Variants in CACNA2D4 observed in about 807,000 individuals in gnomAD.
CACNA2D4 encodes voltage-dependent calcium channel subunit alpha-2/delta-4.
Under a neutral mutation model 163.8 loss-of-function variants are expected in CACNA2D4, and 157 were observed. The ratio of observed to expected loss-of-function variants is 0.96; its 90% confidence interval spans 0.84 to 1.09. CACNA2D4 has a LOEUF of 1.09. Ranked by LOEUF, CACNA2D4 falls within the 50% of genes least tolerant of loss-of-function variation. CACNA2D4 has a pLI of 0.00. For synonymous variants in CACNA2D4, 598 were observed against 586.9 expected (o/e 1.02, Z -0.27); for missense variants, 1,410 against 1,479.9 (o/e 0.95, Z 0.78).
chr12:1,824,198 T>C (rs1864224148), intron 26 of CACNA2D4, among the ~76,000 whole-genome samples: 1 of 152,156 alleles, frequency 6.6e-6, no homozygotes, highest in African/African-American at 2.4e-5. Context: ...TCGGTGGCCG[T>C]TTGCCCTGCT....
intron 18 of CACNA2D4, among the ~76,000 whole-genome samples, chr12:1,860,464 T>C (rs1335387991): frequency 6.6e-6 from 1 of 152,252 alleles, no homozygotes; most frequent in Admixed American, 6.5e-5. Context: ...CCCATCACGA[T>C]AGCCCCTAAG....
chr12:1,830,915 C>T (rs928128494), intron 26 of CACNA2D4: 61 of 1,573,958 alleles, frequency 3.9e-5, no homozygotes, highest in Middle Eastern at 1.7e-4. Context: ...TTCTTTCCCC[C>T]GTCTGTCCCT....
At chr12:1,882,718 T>C (rs1866033328) in intron 13 of CACNA2D4, 149 bp downstream of exon 13, 1 of 772,720 alleles carries the variant, frequency 1.3e-6, no homozygotes, top group Admixed American at 2.7e-5. Context: ...AGGAAAAGCA[T>C]GGAAAAGCGG....
In CACNA2D4 at chr12:1,883,723, G is replaced by A. The variant is rs34211451; in HGVS notation, c.1351+520C>T. 0.06 allele frequency among the ~76,000 whole-genome samples: 9,098 copies of A among 152,188 alleles called. 369 individuals are homozygous for A. Among genetic ancestry groups the A allele is most frequent in the Middle Eastern group, 0.1 (30 of 294 alleles). On this transcript the variant is annotated intron_variant, in intron 12 of 37. Transcript: ENST00000382722. This position sits in a 1 kb window ranked among gnomAD's most constrained non-coding sequence, Gnocchi z 4.5. ...TGGCCCCCGGCACCCTGAACAGTCT[G>A]TGTCTCTCCACCATCAAAGCACATT...
chr12:1,814,744 G>A (rs1863821566), intron 26 of CACNA2D4, among the ~76,000 whole-genome samples: 1 of 152,156 alleles, frequency 6.6e-6, no homozygotes, highest in South Asian at 2.1e-4. Context: ...CTCTCACTTG[G>A]ATTAATGCAA....
intron 18 of CACNA2D4, among the ~76,000 whole-genome samples, chr12:1,861,344 G>T (rs984713323): frequency 6.6e-6 from 1 of 152,176 alleles, no homozygotes; most frequent in Non-Finnish European, 1.5e-5. Flanking sequence ...TGCAGCGGTC[G>T]TGGGATGTCC....
At chr12:1,818,027 C>G (rs1271657758) in intron 26 of CACNA2D4, among the ~76,000 whole-genome samples, 1 of 151,342 alleles carries the variant, frequency 6.6e-6, no homozygotes, top group Admixed American at 6.6e-5. Flanking sequence ...GCCATCCCAT[C>G]TAGGAAGTGA....
At chr12:1,821,371 A>G (rs1592674554) in intron 26 of CACNA2D4, among the ~76,000 whole-genome samples, 1 of 152,176 alleles carries the variant, frequency 6.6e-6, no homozygotes, top group African/African-American at 2.4e-5. Context: ...GTCCTTGGAC[A>G]AGGGTGTGGA....
chr12:1,809,714 C>T (rs1592660580), intron 29 of CACNA2D4: 1 of 612,506 alleles, frequency 1.6e-6, no homozygotes, highest in Non-Finnish European at 2.9e-6. Context: ...TTAGGATGTG[C>T]AAGCCAGGCA....
chr12:1,831,745 C>G (rs564516475), intron 26 of CACNA2D4, among the ~76,000 whole-genome samples: 56 of 149,362 alleles, frequency 3.7e-4, no homozygotes, highest in African/African-American at 1.0e-3. Context: ...GCTGCTCCCT[C>G]CACCCCCACC....
At chr12:1,824,129 G>C (rs1287015176) in intron 26 of CACNA2D4, among the ~76,000 whole-genome samples, 1 of 152,148 alleles carries the variant, frequency 6.6e-6, no homozygotes, top group East Asian at 1.9e-4. Flanking sequence ...TTTCTCCCCA[G>C]GTCCCAGTTA....
intron 18 of CACNA2D4, among the ~76,000 whole-genome samples, chr12:1,870,288 A>G (rs1865742611): frequency 1.3e-5 from 2 of 152,184 alleles, no homozygotes; most frequent in African/African-American, 4.8e-5. Flanking sequence ...GGGCACCTCG[A>G]GGCTTCCCTG....
rs917125080 is a variant in CACNA2D4 at position 1,843,395 on chromosome 12, G to T, written c.2470+1007C>A. ...TTTGGCAGAAGGGCGTCCTAAAGGG[G>T]AAGTTCTGAGTGACCCCAGCCCTGA... is the stretch of plus-strand genomic sequence containing the variant. On this transcript the variant is annotated intron_variant, in intron 25 of 37. Transcript: ENST00000382722. The surrounding 1 kb of genome is among the most constrained non-coding windows in gnomAD (Gnocchi z 4.6). Among the ~76,000 whole-genome samples, 27 of 152,212 alleles carry T rather than the reference G, an allele frequency of 1.8e-4. No homozygotes were observed. Among genetic ancestry groups the T allele is most frequent in the Non-Finnish European group, 3.5e-4 (24 of 68,040 alleles).
At chr12:1,885,136 T>C (rs1445578514) in intron 9 of CACNA2D4, 60 bp from the exon 10 acceptor site, 4 of 1,408,632 alleles carry the variant, frequency 2.8e-6, no homozygotes, top group Admixed American at 3.3e-5. Flanking sequence ...TGGAGCTTCA[T>C]GTTTGGTGTT....
At position 1,828,258 on chromosome 12, in the gene CACNA2D4, G is replaced by A. The variant is rs1325956968; in HGVS notation, c.2551+12481C>T. 1.7e-5 allele frequency: 26 copies of A among 1,493,994 alleles called. No homozygotes were observed. The highest frequency in any genetic ancestry group is 2.3e-5 in the Non-Finnish European group (26 of 1,110,128). The allele number at this position is 1,493,994 out of a possible 1,614,324, so 92.5% of individuals were successfully genotyped here. ...CTCGGAGGGGGGTGCGGGTTGGGTG[G>A]GGGTGCCGAGGTGACTGTAGGTAGC... is the stretch of plus-strand genomic sequence containing the variant. On this transcript the variant is annotated intron_variant, in intron 26 of 37. Transcript: ENST00000382722. The surrounding 1 kb of genome is among the most constrained non-coding windows in gnomAD (Gnocchi z 4.2).
At position 1,840,776 on chromosome 12, in the gene CACNA2D4, C is replaced by T. The variant is rs777855259; in HGVS notation, c.2514G>A (p.Val838=). The change falls in exon 26 of 38, where the codon GTG becomes GTA. Residue 838 remains valine (V), a synonymous_variant. Coordinates refer to ENST00000382722, the MANE Select transcript of CACNA2D4 (RefSeq NM_172364.5). ...EPMVVTASTA[V]AVTVDKRTAI... Reference sequence around the variant, plus strand: ...CTGTCCTCTTGTCCACGGTCACCGCCACAGCTGTGCTTGCCGTCACCACCA... The same window carrying T: ...CTGTCCTCTTGTCCACGGTCACCGCTACAGCTGTGCTTGCCGTCACCACCA... 9 of 1,613,864 alleles carry T rather than the reference C, an allele frequency of 5.6e-6. No individual in the cohort carries two copies. The Admixed American group carries it at 8.3e-5, about 15-fold the overall frequency.
intron 29 of CACNA2D4, among the ~76,000 whole-genome samples, chr12:1,803,561 G>A (rs1329232284): frequency 1.3e-5 from 2 of 152,126 alleles, no homozygotes; most frequent in South Asian, 2.1e-4. Context: ...AAATTAAAAC[G>A]TAAGGATGCA....
intron 26 of CACNA2D4, chr12:1,836,079 G>A (rs980982377): frequency 6.6e-6 from 1 of 152,274 alleles, no homozygotes; most frequent in Non-Finnish European, 1.5e-5. Flanking sequence ...CTCCCAGGAT[G>A]GGGCCTCTGT....
At position 1,840,730 on chromosome 12, in the gene CACNA2D4, C is replaced by T. The variant is rs183421147; in HGVS notation, c.2551+9G>A. On this transcript the variant is annotated intron_variant, in intron 26 of 37. Coordinates refer to ENST00000382722, the MANE Select transcript of CACNA2D4 (RefSeq NM_172364.5). ...TTCCTGGCCTCAACACCACAAGGGC[C>T]GTTCCTACCTGCAGCAATGGCTGTC... 9 of 1,612,324 alleles carry T rather than the reference C, an allele frequency of 5.6e-6. No homozygotes were observed. The highest frequency in any genetic ancestry group is 5.3e-5 in the African/African-American group (4 of 75,004).
Sources: allele counts gnomAD v4.1 joint callset (sites outside exome capture counted in the v4.1 genomes callset), GRCh38; gene constraint gnomAD v4.1.1; non-coding constraint Gnocchi (gnomAD v3.1); transcripts MANE v1.5; gene names NCBI Gene and HGNC (gene_info 2026-07-23, HGNC 2026-07-21).